DOCK2: variants seen among roughly 807,000 people sequenced by gnomAD.
DOCK2 encodes dedicator of cytokinesis 2, also known as dedicator of cytokinesis protein 2.
In DOCK2, 87 loss-of-function variants were observed where a neutral mutation model predicts 248.9. The ratio of observed to expected loss-of-function variants is 0.35; its 90% CI spans 0.29 to 0.42. The LOEUF (loss-of-function observed/expected upper bound fraction) is 0.42. Ranked by LOEUF, DOCK2 falls within the 10% of genes least tolerant of loss-of-function variation. DOCK2 has a pLI of 1.00. For synonymous variants in DOCK2, 805 were observed against 821.6 expected (o/e 0.98, Z 0.35); for missense variants, 1,747 against 2,300.2 (o/e 0.76, Z 4.92).
chr5:169,883,934 C>T lies in DOCK2; in HGVS notation c.2799+43082C>T, dbSNP rs1057512427. ...TGGGAAGGATCAGGACCATACACTT[C>T]TCCTAGGCACATCTCCCCTTAGGTC... is the stretch of plus-strand genomic sequence containing the variant. On this transcript the variant is annotated intron_variant, in intron 27 of 51. Coordinates refer to ENST00000520908, the MANE Select transcript of DOCK2 (RefSeq NM_004946.3). 15 of 1,449,470 alleles carry T rather than the reference C, an allele frequency of 1.0e-5. No individual in the cohort carries two copies. In the African/African-American group the frequency reaches 2.2e-4, roughly 21 times the overall value. 89.8% of individuals were successfully genotyped at this position (1,449,470 alleles called of 1,614,324 possible).
intron 22 of DOCK2, among the ~76,000 whole-genome samples, chr5:169,727,392 G>T (rs1459764634): frequency 6.6e-6 from 1 of 152,176 alleles, no homozygotes; most frequent in Non-Finnish European, 1.5e-5. Context: ...CTCAAGCTGA[G>T]GTTCTTGCTG....
intron 27 of DOCK2, among the ~76,000 whole-genome samples, chr5:169,977,236 T>C (rs1166139957): frequency 1.3e-5 from 2 of 152,228 alleles, no homozygotes; most frequent in Non-Finnish European, 2.9e-5. Context: ...TGGCATGTTG[T>C]TAACCAAAAG....
rs780525605 is a variant in DOCK2 at position 169,896,551 on chromosome 5, C to T, written c.2799+55699C>T. 3.3e-5 allele frequency among the ~76,000 whole-genome samples: 5 copies of T among 152,256 alleles called. 1 individual carries two copies. Among genetic ancestry groups the T allele is most frequent in the South Asian group, 4.2e-4 (2 of 4,818 alleles). On this transcript the variant is annotated intron_variant, in intron 27 of 51. Transcript: ENST00000520908. The stretch of plus-strand genomic sequence containing the variant: ...TAAGAAGCTGGCTGTAAGATTTAAA[C>T]GAGGTGACACACTCATAAATCTTTC...
At chr5:169,990,574 T>A (rs1350017606) in intron 29 of DOCK2, among the ~76,000 whole-genome samples, 1 of 152,214 alleles carries the variant, frequency 6.6e-6, no homozygotes, top group Admixed American at 6.5e-5. Flanking sequence ...AATATGCTGA[T>A]TCATTCGAAC....
At chr5:169,707,542 C>G (rs761421596) in intron 14 of DOCK2, among the ~76,000 whole-genome samples, 1 of 152,190 alleles carries the variant, frequency 6.6e-6, no homozygotes, top group African/African-American at 2.4e-5. Context: ...TGTGAGCTCA[C>G]GTCAGGTTCA....
intron 26 of DOCK2, among the ~76,000 whole-genome samples, chr5:169,824,304 T>C (rs1305201814): frequency 6.6e-6 from 1 of 152,170 alleles, no homozygotes; most frequent in East Asian, 1.9e-4. Context: ...AAAAAGAGCC[T>C]GCATTTCCAA....
intron 28 of DOCK2, among the ~76,000 whole-genome samples, chr5:169,985,015 T>A (rs1156341693): frequency 2.6e-5 from 4 of 152,058 alleles, no homozygotes; most frequent in Non-Finnish European, 5.9e-5. Flanking sequence ...GCCTCCTGGG[T>A]TCAAGTTATT....
chr5:169,843,886 C>A (rs984161163), intron 27 of DOCK2, among the ~76,000 whole-genome samples: 2 of 152,170 alleles, frequency 1.3e-5, no homozygotes, highest in African/African-American at 4.8e-5. Flanking sequence ...ATCAGTACTT[C>A]ATTTCTTTTC....
At chr5:169,643,763 G>T (rs976063425) in intron 1 of DOCK2, among the ~76,000 whole-genome samples, 3 of 152,208 alleles carry the variant, frequency 2.0e-5, no homozygotes, top group Admixed American at 1.3e-4. Context: ...TAAGATGATG[G>T]TTGGAGACAT....
intron 2 of DOCK2, among the ~76,000 whole-genome samples, chr5:169,664,980 CTA>C (rs1350324343): frequency 2.1e-5 from 3 of 142,388 alleles, no homozygotes; most frequent in African/African-American, 5.3e-5. Context: ...ATCAGCATAT[CTA>C]TATATGTTTA....
In DOCK2 at chr5:170,081,834, C is replaced by T; in HGVS notation, c.5288-8C>T. ...CCCATTCACACCCCAGCTCTGCTCT[C>T]CTTCCAGCCCTGGCGCTCTCAGTGG... On this transcript the variant is annotated splice_polypyrimidine_tract_variant and splice_region_variant and intron_variant, in intron 50 of 51. Coordinates refer to ENST00000520908, the MANE Select transcript of DOCK2 (RefSeq NM_004946.3). 6.2e-7 allele frequency: 1 copy of T among 1,602,356 alleles called. No homozygotes were observed. The highest frequency in any genetic ancestry group is 8.5e-7 in the Non-Finnish European group (1 of 1,173,846).
intron 27 of DOCK2, among the ~76,000 whole-genome samples, chr5:169,880,562 G>A (rs902900168): frequency 6.6e-6 from 1 of 152,186 alleles, no homozygotes; most frequent in East Asian, 1.9e-4. Context: ...ATGGAAAGTG[G>A]GCTTCCAGCT....
chr5:169,901,382 T>C (rs928164493), intron 27 of DOCK2, among the ~76,000 whole-genome samples: 2 of 152,174 alleles, frequency 1.3e-5, no homozygotes, highest in African/African-American at 4.8e-5. Context: ...TTTGGTTGAT[T>C]TTTGAAAACA....
chr5:169,926,018 G>T (rs530837071), intron 27 of DOCK2, among the ~76,000 whole-genome samples: 12 of 152,264 alleles, frequency 7.9e-5, no homozygotes, highest in Non-Finnish European at 1.6e-4. Context: ...TCCATGGCAG[G>T]ATGTCGTCAG....
At chr5:169,753,743 T>C (rs1764037774) in intron 23 of DOCK2, among the ~76,000 whole-genome samples, 1 of 152,146 alleles carries the variant, frequency 6.6e-6, no homozygotes, top group African/African-American at 2.4e-5. Flanking sequence ...CTGGAACCTG[T>C]TGGTTCCTTT....
At chr5:169,734,471 G>A (rs1453919169) in intron 22 of DOCK2, among the ~76,000 whole-genome samples, 1 of 151,926 alleles carries the variant, frequency 6.6e-6, no homozygotes, top group Non-Finnish European at 1.5e-5. Context: ...TTCATCAGTT[G>A]GTATATATTT....
chr5:169,642,819 C>A (rs557749630), intron 1 of DOCK2, among the ~76,000 whole-genome samples: 1 of 152,312 alleles, frequency 6.6e-6, no homozygotes, highest in East Asian at 1.9e-4. Context: ...TTTGAATGAG[C>A]CTTGAAGACA....
chr5:169,838,863 T>C (rs1022886624), intron 26 of DOCK2, among the ~76,000 whole-genome samples: 1 of 152,188 alleles, frequency 6.6e-6, no homozygotes, highest in Non-Finnish European at 1.5e-5. Flanking sequence ...GGGTTATTCA[T>C]CTCCGGATGC....
rs554334269 is a variant in DOCK2, at chr5:169,714,246, G to A, written c.1843+35G>A. The A allele has an allele frequency of 4.4e-6, 7 of 1,601,060 alleles. No individual in the cohort carries two copies. In the African/African-American group the frequency reaches 9.4e-5, roughly 21 times the overall value. ...TCATCAAGAGTTGTGTCTGTGGGGA[G>A]TGTGTGTGTCCGTGTGTGTGTACAT... On this transcript the variant is annotated intron_variant, in intron 18 of 51. Transcript: ENST00000520908.
Sources: gnomAD v4.1 joint callset for allele counts (sites outside exome capture counted in the v4.1 genomes callset) on GRCh38, gnomAD v4.1.1 for gene constraint, MANE v1.5 for transcripts, NCBI Gene and HGNC (gene_info 2026-07-23, HGNC 2026-07-21) for gene names.